TENM2: variants seen among roughly 807,000 people sequenced by gnomAD.
TENM2 encodes the protein teneurin transmembrane protein 2, also known as teneurin-2.
Under a neutral mutation model 245.2 loss-of-function variants are expected in TENM2, and 52 were observed. That is an observed-to-expected ratio of 0.21 (90% CI 0.17 to 0.27). The LOEUF is 0.27. TENM2 is among the 10% of genes least tolerant of loss of function. TENM2 has a pLI of 1.00. For synonymous variants in TENM2, 1,363 were observed against 1,438.9 expected (o/e 0.95, Z 1.19); for missense variants, 3,046 against 3,666.8 (o/e 0.83, Z 4.37).
In TENM2 at chr5:168,236,972, A is replaced by T. The variant is rs867039986; in HGVS notation, c.5521-7448A>T. ...TATATATATATATATATATATATATATATATATATATATATATATATATAT... is the reference window on the plus strand; with the variant it reads ...TATATATATATATATATATATATATTTATATATATATATATATATATATAT... On this transcript the variant is annotated intron_variant, in intron 25 of 28. Transcript: ENST00000518659. Among the ~76,000 whole-genome samples, 15 of 3,054 alleles carry T rather than the reference A, an allele frequency of 4.9e-3. 2 individuals are homozygous for T. Among genetic ancestry groups the T allele is most frequent in the Admixed American group, 0.012 (2 of 172 alleles). The allele number at this position is 3,054 out of a possible 152,430, so 2.0% of individuals were successfully genotyped here.
the TENM2 span, among the ~76,000 whole-genome samples, chr5:167,100,291 G>A: frequency 1.3e-5 from 2 of 152,298 alleles, no homozygotes; most frequent in South Asian, 2.1e-4. Flanking sequence ...GAGATGGTGT[G>A]TGAGTAATTC....
intron 2 of TENM2, among the ~76,000 whole-genome samples, chr5:167,456,602 G>T (rs1674714421): frequency 6.6e-6 from 1 of 152,110 alleles, no homozygotes; most frequent in African/African-American, 2.4e-5. Context: ...GTGCTTCAAA[G>T]AATTTATCCA....
intron 19 of TENM2, among the ~76,000 whole-genome samples, chr5:168,208,220 A>T (rs777094304): frequency 2.0e-5 from 3 of 152,198 alleles, no homozygotes; most frequent in Non-Finnish European, 4.4e-5. Context: ...TTCTTAGCTT[A>T]GCTCCTTTTA....
chr5:167,731,366 G>C (rs926875577), intron 2 of TENM2, among the ~76,000 whole-genome samples: 9 of 152,024 alleles, frequency 5.9e-5, no homozygotes, highest in Non-Finnish European at 1.3e-4. Flanking sequence ...TCTGGCCTGT[G>C]CTCTGAGAAC....
chr5:168,064,487 ACT>A (rs1790325363), intron 7 of TENM2, among the ~76,000 whole-genome samples: 1 of 152,068 alleles, frequency 6.6e-6, no homozygotes, highest in African/African-American at 2.4e-5. Flanking sequence ...CAAGTTGGTA[ACT>A]CTCTGTAACT....
chr5:167,388,247 T>C (rs2127355216), intron 2 of TENM2, among the ~76,000 whole-genome samples: 1 of 152,248 alleles, frequency 6.6e-6, no homozygotes, highest in Middle Eastern at 3.4e-3. Context: ...GCTAGGAAGG[T>C]TGTACCATTC....
the TENM2 span, among the ~76,000 whole-genome samples, chr5:167,263,116 A>AG: frequency 6.6e-6 from 1 of 152,096 alleles, no homozygotes; most frequent in African/African-American, 2.4e-5. Context: ...AGAATTTGGG[A>AG]GGGGGTACAA....
chr5:168,089,223 A>C (rs1014655289), intron 7 of TENM2, among the ~76,000 whole-genome samples: 1 of 151,950 alleles, frequency 6.6e-6, no homozygotes, highest in Non-Finnish European at 1.5e-5. Flanking sequence ...TGTTCCTCCA[A>C]AGTTGTCCCC....
chr5:168,209,193 C>T (rs933261570), intron 19 of TENM2, among the ~76,000 whole-genome samples: 3 of 152,124 alleles, frequency 2.0e-5, no homozygotes, highest in African/African-American at 4.8e-5. Flanking sequence ...ATGTGTAAAT[C>T]ATTAGAGTTA....
chr5:167,962,653 T>C (rs932184711), intron 4 of TENM2, among the ~76,000 whole-genome samples: 1 of 152,052 alleles, frequency 6.6e-6, no homozygotes, highest in Non-Finnish European at 1.5e-5. Context: ...CTCCAGAAAC[T>C]TATAATCATG....
chr5:168,227,571 A>AATTTG (rs1279398042), intron 24 of TENM2, among the ~76,000 whole-genome samples: 1 of 147,496 alleles, frequency 6.8e-6, no homozygotes, highest in African/African-American at 2.5e-5. Context: ...AAGCTTCGGG[A>AATTTG]ATTTGATTGA....
intron 2 of TENM2, among the ~76,000 whole-genome samples, chr5:167,436,060 C>T (rs1293766950): frequency 2.7e-5 from 4 of 146,504 alleles, no homozygotes; most frequent in African/African-American, 1.0e-4. Context: ...TCACTGTAAC[C>T]TCTGCCTGCC....
At chr5:167,676,066 A>G (rs1756305923) in intron 2 of TENM2, among the ~76,000 whole-genome samples, 1 of 152,066 alleles carries the variant, frequency 6.6e-6, no homozygotes, top group Non-Finnish European at 1.5e-5. Flanking sequence ...ATATTATCTA[A>G]GCCCTGGATC....
intron 2 of TENM2, among the ~76,000 whole-genome samples, chr5:167,801,504 T>C (rs1267945664): frequency 6.6e-6 from 1 of 152,018 alleles, no homozygotes; most frequent in Non-Finnish European, 1.5e-5. Flanking sequence ...AACAGAAGGC[T>C]ACAGGATGGA....
intron 12 of TENM2, among the ~76,000 whole-genome samples, chr5:168,160,545 T>G (rs1176902496): frequency 6.6e-6 from 1 of 152,196 alleles, no homozygotes; most frequent in African/African-American, 2.4e-5. Flanking sequence ...TTGGCTTCCC[T>G]AGGGACTGGC....
At chr5:167,525,148 C>T (rs1282673407) in intron 2 of TENM2, among the ~76,000 whole-genome samples, 1 of 152,096 alleles carries the variant, frequency 6.6e-6, no homozygotes, top group African/African-American at 2.4e-5. Flanking sequence ...TCTCTCCAAG[C>T]TGCTCCCAAC....
chr5:167,934,806 T>A lies in TENM2; in HGVS notation c.713-17782T>A, dbSNP rs993954056. 4.2e-6 allele frequency: 4 copies of A among 962,524 alleles called. No individual in the cohort carries two copies. The African/African-American group carries it at 7.0e-5, about 17-fold the overall frequency. The allele number at this position is 962,524 out of a possible 1,614,324, so 59.6% of individuals were successfully genotyped here. On this transcript the variant is annotated intron_variant, in intron 3 of 28. Coordinates refer to ENST00000518659, the Ensembl canonical transcript of TENM2. ...CAGGGCAGCCTTCCAGGGCCTGGCA[T>A]GTGTGTGCTCAGCATCACGGGCAGC...
chr5:168,036,338 T>G (rs2151979941), intron 5 of TENM2, among the ~76,000 whole-genome samples: 1 of 152,304 alleles, frequency 6.6e-6, no homozygotes, highest in African/African-American at 2.4e-5. Context: ...ATAAAACCCT[T>G]AAAATTAGCT....
At chr5:167,045,163 G>T in the TENM2 span, among the ~76,000 whole-genome samples, 1 of 152,184 alleles carries the variant, frequency 6.6e-6, no homozygotes, top group African/African-American at 2.4e-5. Flanking sequence ...GACTTATTTG[G>T]TGGGGAAGAA....
Sources: allele counts gnomAD v4.1 joint callset (sites outside exome capture counted in the v4.1 genomes callset), GRCh38; gene constraint gnomAD v4.1.1; transcripts MANE v1.5; gene names NCBI Gene and HGNC (gene_info 2026-07-23, HGNC 2026-07-21).